Variants in MAJIN observed in about 807,000 individuals in gnomAD.
The protein encoded by MAJIN is membrane anchored junction protein.
Under a neutral mutation model 30.2 loss-of-function variants are expected in MAJIN, and 27 were observed. The observed-to-expected ratio is 0.89, with a 90% CI of 0.66 to 1.23. The LOEUF (loss-of-function observed/expected upper bound fraction) is 1.23. MAJIN is among the 50% of genes most tolerant of loss of function. MAJIN has a pLI of 0.00. For missense variants in MAJIN, 253 were observed against 260.3 expected (o/e 0.97, Z 0.19); for synonymous variants, 78 against 91.6 (o/e 0.85, Z 0.85).
intron 1 of MAJIN, among the ~76,000 whole-genome samples, chr11:64,962,118 TC>T (rs1287106527): frequency 6.6e-6 from 1 of 152,064 alleles, no homozygotes; most frequent in East Asian, 1.9e-4. Context: ...ATAACTTGCC[TC>T]CCGCCCCACC....
chr11:64,959,075 G>T lies in MAJIN; in HGVS notation c.101+230C>A, dbSNP rs541593470. Among the ~76,000 whole-genome samples the T allele has an allele frequency of 3.4e-5, 5 of 147,040 alleles. No individual in the cohort carries two copies. In the South Asian group the frequency reaches 8.6e-4, roughly 25 times the overall value. ...GTTTGAGACTAGCCTGGACAACATA[G>T]CGAGATCTGCTTCTCTTCAAAAAAA... On this transcript the variant is annotated intron_variant, in intron 3 of 10. Transcript: ENST00000301896.
chr11:64,970,793 C>T (rs1178897708), intron 1 of MAJIN, among the ~76,000 whole-genome samples: 2 of 152,184 alleles, frequency 1.3e-5, no homozygotes, highest in Non-Finnish European at 2.9e-5. Context: ...TGGGGAGTGG[C>T]ACAGAGATCT....
intron 1 of MAJIN, among the ~76,000 whole-genome samples, chr11:64,960,453 C>T (rs1945705040): frequency 6.6e-6 from 1 of 152,114 alleles, no homozygotes; most frequent in African/African-American, 2.4e-5. Context: ...GCCTATAAGT[C>T]TAAATTTGAT....
At chr11:64,970,507 C>T (rs1945883575) in intron 1 of MAJIN, among the ~76,000 whole-genome samples, 1 of 150,102 alleles carries the variant, frequency 6.7e-6, no homozygotes, top group Admixed American at 6.7e-5. Context: ...GCTGGGACTA[C>T]AGGAGCCTGC....
At chr11:64,969,485 T>A in intron 1 of MAJIN, among the ~76,000 whole-genome samples, 2 of 147,664 alleles carry the variant, frequency 1.4e-5, no homozygotes. Context: ...ACCAGATGGC[T>A]GTGACTTAAA....
rs774060709 is a variant in MAJIN at position 64,949,869 on chromosome 11, C to A, written c.224-1G>T. 6.2e-7 allele frequency: 1 copy of A among 1,602,816 alleles called. No homozygotes were observed. Among genetic ancestry groups the A allele is most frequent in the Non-Finnish European group, 8.5e-7 (1 of 1,179,834 alleles). On this transcript the variant is annotated splice_acceptor_variant, in intron 5 of 10. Coordinates refer to ENST00000301896, the MANE Select transcript of MAJIN (RefSeq NM_001037225.3). LOFTEE classifies it high-confidence loss of function. ...GAAACTCTCTCCCATTTGCTTTTAT[C>A]TGGAAAATGGTGCTAAGGAGTAAGG... is the stretch of plus-strand genomic sequence containing the variant.
chr11:64,946,084 AC>A, intron 8 of MAJIN: 1 of 1,533,734 alleles, frequency 6.5e-7, no homozygotes, highest in Non-Finnish European at 8.7e-7. Context: ...CCATTTTAGT[AC>A]TTACTCTCCT....
At chr11:64,949,973 G>T in intron 5 of MAJIN, 105 bp from the exon 6 acceptor site, 1 of 1,429,438 alleles carries the variant, frequency 7.0e-7, no homozygotes. Flanking sequence ...CCTCCAAACT[G>T]CCTATGGTTT....
At chr11:64,947,530 C>G in intron 7 of MAJIN, 65 bp from the exon 8 acceptor site, 1 of 1,509,648 alleles carries the variant, frequency 6.6e-7, no homozygotes, top group South Asian at 1.1e-5. Context: ...CATGAAGGCA[C>G]AGTGAAGAAA....
At position 64,939,730 on chromosome 11, in the gene MAJIN, G is replaced by T. The variant is rs759529065; in HGVS notation, c.584C>A (p.Ser195Tyr). ...GAGGTGAGTTGTGCTGCAGGGGTGG[G>T]ACAATTCGCCCTGGCAGGCTGTGTC... ...SGDTACQGEL[S>Y]HPCSTTHLHL... The change falls in exon 10 of 11, where the codon TCC becomes TAC. Residue 195 changes from serine (S) to tyrosine (Y), a missense_variant. Transcript: ENST00000301896. 3 of 1,614,076 alleles carry T rather than the reference G, an allele frequency of 1.9e-6. No individual in the cohort carries two copies. The South Asian group carries it at 3.3e-5, about 18-fold the overall frequency.
chr11:64,956,984 C>T (rs1181511211), intron 3 of MAJIN, among the ~76,000 whole-genome samples: 4 of 152,030 alleles, frequency 2.6e-5, no homozygotes, highest in Non-Finnish European at 5.9e-5. Context: ...CCAGACTGGT[C>T]TCAAACTCCT....
At chr11:64,941,902 G>T (rs981652283) in intron 8 of MAJIN, among the ~76,000 whole-genome samples, 8 of 152,156 alleles carry the variant, frequency 5.3e-5, no homozygotes, top group African/African-American at 1.7e-4. Flanking sequence ...TGCCATTAAA[G>T]AATAAATAGG....
At chr11:64,940,835 CTTTTTTTTT>C (rs1168979344) in intron 8 of MAJIN, among the ~76,000 whole-genome samples, 189 bp from the exon 9 acceptor site, 31 of 88,562 alleles carry the variant, frequency 3.5e-4, no homozygotes, top group Non-Finnish European at 5.0e-4. Flanking sequence ...TTTTTTCTTT[CTTTTTTTTT>C]TTTTTTTTTT....
intron 4 of MAJIN, among the ~76,000 whole-genome samples, chr11:64,951,948 G>C (rs575322854): frequency 6.6e-6 from 1 of 151,740 alleles, no homozygotes; most frequent in African/African-American, 2.4e-5. Context: ...GAGTGCAGCC[G>C]CACAATCTTG....
rs1156747252 is a variant in MAJIN at position 64,939,996 on chromosome 11, A to G, written c.547-229T>C. ...GCTCCTGGGATATTTACACAGCTCA[A>G]GTTCCAGCCATGCACTCTGGCTGGT... is the stretch of plus-strand genomic sequence containing the variant. On this transcript the variant is annotated intron_variant, in intron 9 of 10. Transcript: ENST00000301896. 19 of 419,464 alleles carry G rather than the reference A, an allele frequency of 4.5e-5. No homozygotes were observed. The East Asian group carries it at 7.6e-4, about 17-fold the overall frequency. The allele number at this position is 419,464 out of a possible 1,614,324, so 26.0% of individuals were successfully genotyped here.
chr11:64,963,862 AC>A (rs139647490), intron 1 of MAJIN, among the ~76,000 whole-genome samples: 247 of 152,278 alleles, frequency 1.6e-3, no homozygotes, highest in African/African-American at 5.7e-3. Flanking sequence ...AGTGTGGGTA[AC>A]AAAATATAAT....
At position 64,938,381 on chromosome 11, in the gene MAJIN, C is replaced by A; in HGVS notation, c.*194G>T. On this transcript the variant is annotated 3_prime_UTR_variant, in exon 11 of 11. Transcript: ENST00000301896. ...ATCTATTATAAAGGGGCAAAGGACA[C>A]GATAAAACCACAGAGGACTCAGCAT... 1.2e-6 allele frequency: 1 copy of A among 853,578 alleles called. No homozygotes were observed. Among genetic ancestry groups the A allele is most frequent in the Non-Finnish European group, 1.8e-6 (1 of 545,944 alleles). The allele number at this position is 853,578 out of a possible 1,614,324, so 52.9% of individuals were successfully genotyped here.
intron 3 of MAJIN, among the ~76,000 whole-genome samples, chr11:64,956,255 C>A (rs945267921): frequency 6.6e-6 from 1 of 152,052 alleles, no homozygotes; most frequent in Non-Finnish European, 1.5e-5. Flanking sequence ...GCTGAGATTG[C>A]ACCATTGCAC....
intron 5 of MAJIN, 128 bp downstream of exon 5, chr11:64,950,227 G>A (rs1344523804): frequency 1.5e-5 from 12 of 811,622 alleles, no homozygotes; most frequent in Admixed American, 8.6e-5. Flanking sequence ...CTACTGGAGA[G>A]GCTGAGGCAA....
Sources: gnomAD v4.1 joint callset for allele counts (sites outside exome capture counted in the v4.1 genomes callset) on GRCh38, gnomAD v4.1.1 for gene constraint, MANE v1.5 for transcripts, NCBI Gene and HGNC (gene_info 2026-07-23, HGNC 2026-07-21) for gene names.